IL1RL1: variants seen among roughly 807,000 people sequenced by gnomAD.
The protein encoded by IL1RL1 is interleukin 1 receptor like 1, also known as interleukin-1 receptor-like 1.
In IL1RL1, 32 loss-of-function variants were observed where a neutral mutation model predicts 50.9. The observed-to-expected ratio is 0.63, with a 90% CI of 0.47 to 0.84. The LOEUF is 0.84. Ranked by LOEUF, IL1RL1 falls within the 40% of genes least tolerant of loss-of-function variation. IL1RL1 has a pLI of 0.00. For missense variants in IL1RL1, 773 were observed against 662.9 expected, an observed-to-expected ratio of 1.17 and a Z score of -1.82; for synonymous variants, 275 against 236.0, an observed-to-expected ratio of 1.17 and a Z score of -1.51.
intron 1 of IL1RL1, among the ~76,000 whole-genome samples, chr2:102,321,707 G>A (rs1676843735): frequency 6.6e-6 from 1 of 152,118 alleles, no homozygotes; most frequent in Non-Finnish European, 1.5e-5. Flanking sequence ...AATCACCAAG[G>A]AATCATAAAT....
chr2:102,333,545 T>C (rs1559600264), intron 1 of IL1RL1, among the ~76,000 whole-genome samples: 1 of 152,174 alleles, frequency 6.6e-6, no homozygotes, highest in Non-Finnish European at 1.5e-5. Flanking sequence ...GACATGAAGC[T>C]TTTGTGAATT....
At chr2:102,350,082 C>T (rs376292000) in intron 10 of IL1RL1, among the ~76,000 whole-genome samples, 17 of 97,954 alleles carry the variant, frequency 1.7e-4, no homozygotes, top group Middle Eastern at 4.2e-3. Context: ...GCCTCAATAA[C>T]GGCTCAAGAG....
At chr2:102,330,345 T>TG (rs1167314492) in intron 1 of IL1RL1, among the ~76,000 whole-genome samples, 4 of 103,884 alleles carry the variant, frequency 3.9e-5, no homozygotes, top group Non-Finnish European at 8.4e-5. Context: ...TGTTGTGGGG[T>TG]GGGGGGAGGG....
intron 1 of IL1RL1, among the ~76,000 whole-genome samples, chr2:102,318,557 G>A (rs1559594543): frequency 1.3e-5 from 2 of 152,202 alleles, no homozygotes. Context: ...AGAACCTGAA[G>A]TTCAGGGGAA....
intron 8 of IL1RL1, chr2:102,345,198 A>C (rs943003739): frequency 2.0e-6 from 2 of 979,116 alleles, no homozygotes; most frequent in African/African-American, 3.5e-5. Context: ...TCAGAGATGA[A>C]GTGCTCTTCC....
chr2:102,327,259 G>C (rs1246488497), intron 1 of IL1RL1, among the ~76,000 whole-genome samples: 1 of 151,914 alleles, frequency 6.6e-6, no homozygotes, highest in Non-Finnish European at 1.5e-5. Flanking sequence ...TGACTACTGG[G>C]TACATAACGA....
chr2:102,319,788 A>G (rs1249739016), intron 1 of IL1RL1, among the ~76,000 whole-genome samples: 1 of 152,162 alleles, frequency 6.6e-6, no homozygotes, highest in Non-Finnish European at 1.5e-5. Flanking sequence ...TCCCAGGCTC[A>G]AGCGATCCTC....
At chr2:102,324,396 C>T (rs1676928878) in intron 1 of IL1RL1, among the ~76,000 whole-genome samples, 1 of 152,116 alleles carries the variant, frequency 6.6e-6, no homozygotes, top group African/African-American at 2.4e-5. Context: ...CAAATAGGAA[C>T]AGCTACAGTC....
rs1382069427 is a variant in IL1RL1 at position 102,335,845 on chromosome 2, C to T, written c.-149-2271C>T. Among the ~76,000 whole-genome samples, 5 of 152,266 alleles carry T rather than the reference C, an allele frequency of 3.3e-5. No individual in the cohort carries two copies. In the South Asian group the frequency reaches 8.3e-4, roughly 25 times the overall value. On this transcript the variant is annotated intron_variant, in intron 1 of 10. Transcript: ENST00000233954. ...GGAATCGCAGGCAGCATTGCAGACT[C>T]GCTGGCTCCTGGCTGTGATCTCACA... is the stretch of plus-strand genomic sequence containing the variant.
chr2:102,329,465 C>G (rs1677111272), intron 1 of IL1RL1, among the ~76,000 whole-genome samples: 1 of 152,138 alleles, frequency 6.6e-6, no homozygotes, highest in African/African-American at 2.4e-5. Context: ...AAAGCAATGG[C>G]AACAAAAGAC....
At chr2:102,312,947 A>G (rs953774838) in intron 1 of IL1RL1, 2 of 152,046 alleles carry the variant, frequency 1.3e-5, no homozygotes, top group Non-Finnish European at 2.9e-5. Flanking sequence ...TCTGGCTATA[A>G]CAGTTCTCCT....
chr2:102,347,418 T>A (rs376285914), intron 8 of IL1RL1, among the ~76,000 whole-genome samples: 1 of 152,240 alleles, frequency 6.6e-6, no homozygotes, highest in South Asian at 2.1e-4. Flanking sequence ...GTTTCAAGTC[T>A]GGACAGAACC....
intron 1 of IL1RL1, among the ~76,000 whole-genome samples, chr2:102,321,024 G>A (rs1270045462): frequency 6.6e-6 from 1 of 152,224 alleles, no homozygotes; most frequent in South Asian, 2.1e-4. Flanking sequence ...CTGCTCTGGA[G>A]TTCCTCATGC....
chr2:102,320,072 CA>C (rs1474889190), intron 1 of IL1RL1, among the ~76,000 whole-genome samples: 1 of 152,190 alleles, frequency 6.6e-6, no homozygotes, highest in Non-Finnish European at 1.5e-5. Flanking sequence ...TCTTTCAAAA[CA>C]AAAATGTCTT....
chr2:102,334,712 AG>A (rs1677265471), intron 1 of IL1RL1, among the ~76,000 whole-genome samples: 1 of 151,852 alleles, frequency 6.6e-6, no homozygotes, highest in African/African-American at 2.4e-5. Context: ...GTTTACAGTA[AG>A]AGCAGGCCAC....
At chr2:102,320,173 G>A (rs1676796492) in intron 1 of IL1RL1, among the ~76,000 whole-genome samples, 2 of 152,162 alleles carry the variant, frequency 1.3e-5, no homozygotes, top group African/African-American at 2.4e-5. Flanking sequence ...CCTATACAAT[G>A]CCTTATCGCA....
chr2:102,327,383 A>T (rs1196420872), intron 1 of IL1RL1, among the ~76,000 whole-genome samples: 3 of 151,236 alleles, frequency 2.0e-5, no homozygotes, highest in Non-Finnish European at 4.4e-5. Flanking sequence ...ATAGCACTAA[A>T]AGCCCACAAG....
chr2:102,345,281 C>A, intron 8 of IL1RL1: 1 of 985,292 alleles, frequency 1.0e-6, no homozygotes, highest in Non-Finnish European at 1.2e-6. Context: ...TGGAAAACAG[C>A]TTTCCAAGCA....
chr2:102,349,442 T>C (rs1677873622), intron 10 of IL1RL1, among the ~76,000 whole-genome samples, 196 bp downstream of exon 10: 1 of 152,200 alleles, frequency 6.6e-6, no homozygotes, highest in African/African-American at 2.4e-5. Flanking sequence ...GGTGATGAGA[T>C]CTTCACAGTA....
Sources: gnomAD v4.1 joint callset for allele counts (sites outside exome capture counted in the v4.1 genomes callset) on GRCh38, gnomAD v4.1.1 for gene constraint, MANE v1.5 for transcripts, NCBI Gene and HGNC (gene_info 2026-07-23, HGNC 2026-07-21) for gene names.